KCNK17: variants seen among roughly 807,000 people sequenced by gnomAD.
KCNK17 encodes the protein potassium channel subfamily K member 17.
A neutral mutation model predicts 24.6 loss-of-function variants in KCNK17; 27 were observed. That is an observed-to-expected ratio of 1.10 (90% CI 0.81 to 1.51). The LOEUF (loss-of-function observed/expected upper bound fraction) is 1.51, where lower values mean the gene tolerates loss of function less well. Ranked by LOEUF, KCNK17 falls within the 40% of genes most tolerant of loss-of-function variation. The pLI, the probability that KCNK17 is intolerant of heterozygous loss-of-function variation, is 0.00. For missense variants in KCNK17, 450 were observed against 436.6 expected (o/e 1.03, Z -0.27); for synonymous variants, 181 against 189.8 (o/e 0.95, Z 0.38).
intron 4 of KCNK17, among the ~76,000 whole-genome samples, chr6:39,302,844 C>A (rs1761968681): frequency 6.6e-6 from 1 of 152,082 alleles, no homozygotes; most frequent in Admixed American, 6.5e-5. Flanking sequence ...CAGAAGGGGG[C>A]AGTGTGAGGC....
intron 1 of KCNK17, 42 bp downstream of exon 1, chr6:39,314,042 C>A (rs753996296): frequency 1.8e-5 from 26 of 1,471,694 alleles, no homozygotes; most frequent in Non-Finnish European, 2.2e-5. Flanking sequence ...CGGCCCGCTA[C>A]CCCATCCCGC....
intron 1 of KCNK17, 65 bp from the exon 2 acceptor site, chr6:39,311,072 GCA>G (rs59086835): frequency 0.037 from 18,758 of 513,602 alleles, 230 homozygotes; most frequent in African/African-American, 0.048. Context: ...ACCCCAAGAT[GCA>G]CACACACACA....
intron 4 of KCNK17, among the ~76,000 whole-genome samples, chr6:39,300,746 C>T (rs1761939489): frequency 6.6e-6 from 1 of 152,142 alleles, no homozygotes; most frequent in Non-Finnish European, 1.5e-5. Flanking sequence ...TTTCCCGTTT[C>T]CCCATCTATC....
Position 39,304,123 on chromosome 6 carries a change from G to A in KCNK17, c.522C>T (p.Asp174=). The change falls in exon 4 of 5, where the codon GAC becomes GAT. Residue 174 remains aspartate (D), a synonymous_variant. Transcript: ENST00000373231. ...CAGAGCCCGCCAGCCACCGCGCCTTGTCAGGATCCTGTGGGTGCAACATTG... is the reference window on the plus strand; with the variant it reads ...CAGAGCCCGCCAGCCACCGCGCCTTATCAGGATCCTGTGGGTGCAACATTG... The part of the protein sequence containing the change: ...SRLGGTWQDP[D]KARWLAGSGA... 1.2e-6 allele frequency: 2 copies of A among 1,608,132 alleles called. No individual in the cohort carries two copies. The highest frequency in any genetic ancestry group is 4.5e-5 in the East Asian group (2 of 44,868).
chr6:39,309,328 A>G (rs575930138), intron 2 of KCNK17, among the ~76,000 whole-genome samples: 62 of 152,266 alleles, frequency 4.1e-4, no homozygotes, highest in African/African-American at 1.4e-3. Context: ...CGTCTCAAAA[A>G]AGAAAGAAAG....
chr6:39,304,468 C>A, intron 3 of KCNK17, 27 bp downstream of exon 3: 1 of 1,596,860 alleles, frequency 6.3e-7, no homozygotes. Flanking sequence ...AGTGACCCAT[C>A]CCCACCCCGT....
At chr6:39,306,711 T>C (rs1373508664) in intron 2 of KCNK17, among the ~76,000 whole-genome samples, 3 of 151,636 alleles carry the variant, frequency 2.0e-5, no homozygotes, top group South Asian at 4.2e-4. Context: ...GGATCCCAGC[T>C]CAGCTCCTTG....
At position 39,311,097 on chromosome 6, in the gene KCNK17, CACACACACACACACACACACACAA is replaced by C. The variant is rs1199776346; in HGVS notation, c.238-114_238-91del. 5 of 562,378 alleles carry C rather than the reference CACACACACACACACACACACACAA, an allele frequency of 8.9e-6. No individual in the cohort carries two copies. The African/African-American group carries it at 1.1e-4, about 12-fold the overall frequency. 34.8% of individuals were successfully genotyped at this position (562,378 alleles called of 1,614,324 possible). ...GCACACACACACACACACACACACACACACACACACACACACACACACAAACAAACCTACACACACAGCCCTCAC... is the reference window on the plus strand; with the variant it reads ...GCACACACACACACACACACACACACACAAACCTACACACACAGCCCTCAC... On this transcript the variant is annotated intron_variant, in intron 1 of 4. Coordinates refer to ENST00000373231, the MANE Select transcript of KCNK17 (RefSeq NM_031460.4).
chr6:39,310,797 T>C, intron 2 of KCNK17, 96 bp downstream of exon 2: 1 of 764,420 alleles, frequency 1.3e-6, no homozygotes, highest in African/African-American at 1.8e-5. Flanking sequence ...GTCATGAGAC[T>C]CCAGGTAATC....
At chr6:39,308,513 A>G (rs370746681) in intron 2 of KCNK17, among the ~76,000 whole-genome samples, 6 of 151,992 alleles carry the variant, frequency 3.9e-5, no homozygotes, top group African/African-American at 1.2e-4. Context: ...CTGGTCTCCA[A>G]CTCCTGGCCT....
chr6:39,309,737 G>A (rs745555653), intron 2 of KCNK17, among the ~76,000 whole-genome samples: 2 of 152,206 alleles, frequency 1.3e-5, no homozygotes, highest in Non-Finnish European at 2.9e-5. Flanking sequence ...CTCAATACAT[G>A]CCTGGTGAAT....
chr6:39,310,879 C>CCAA lies in KCNK17; in HGVS notation c.352+13_352+14insTTG. On this transcript the variant is annotated intron_variant, in intron 2 of 4. Transcript: ENST00000373231. ...TCCCCCACCCCCATCCCCCTGGCCCCATCTGGCCCTTACCAATGGTGGTGA... is the reference window on the plus strand; with the variant it reads ...TCCCCCACCCCCATCCCCCTGGCCCCCAAATCTGGCCCTTACCAATGGTGGTGA... 5.5e-5 allele frequency: 85 copies of CCAA among 1,541,346 alleles called. No individual in the cohort carries two copies. Among genetic ancestry groups the CCAA allele is most frequent in the Non-Finnish European group, 7.0e-5 (78 of 1,121,794 alleles).
chr6:39,306,785 T>G (rs544878317), intron 2 of KCNK17, among the ~76,000 whole-genome samples: 1 of 130,430 alleles, frequency 7.7e-6, no homozygotes, highest in African/African-American at 3.3e-5. Context: ...TTTTTTTTTG[T>G]GACAGAGTCT....
intron 1 of KCNK17, among the ~76,000 whole-genome samples, chr6:39,312,839 A>G (rs942128706): frequency 6.6e-6 from 1 of 152,318 alleles, no homozygotes; most frequent in Admixed American, 6.5e-5. Context: ...CTGTATTTGC[A>G]GAAGTCCGCA....
At position 39,304,509 on chromosome 6, in the gene KCNK17, C is replaced by T; in HGVS notation, c.499G>A (p.Gly167Arg). 1 of 1,613,494 alleles carries T rather than the reference C, an allele frequency of 6.2e-7. No homozygotes were observed. The highest frequency in any genetic ancestry group is 8.5e-7 in the Non-Finnish European group (1 of 1,179,410). ...AGCCCCCTCACCTGCCAGGTGCCCCCCAGCCTGCTGGCCCAGTGGTTTACT... is the reference window on the plus strand; with the variant it reads ...AGCCCCCTCACCTGCCAGGTGCCCCTCAGCCTGCTGGCCCAGTGGTTTACT... ...QGVNHWASRL[G>R]GTWQDPDKAR... is the part of the protein sequence containing the mutation. Residue 167 changes from glycine to arginine, a missense_variant, in exon 3 of 5, where the codon GGG (glycine) becomes AGG (arginine). By Grantham distance (125) the Gly-to-Arg change is moderately radical. Transcript: ENST00000373231.
chr6:39,299,334 T>A lies in KCNK17; in HGVS notation c.*93A>T, dbSNP rs1761901773. ...AGCTGCACCCAGCCTCTAGGGTGGATGGAAAATGTAGTCTTTAGTTTGGGT... is the reference window on the plus strand; with the variant it reads ...AGCTGCACCCAGCCTCTAGGGTGGAAGGAAAATGTAGTCTTTAGTTTGGGT... On this transcript the variant is annotated 3_prime_UTR_variant, in exon 5 of 5. Coordinates refer to ENST00000373231, the MANE Select transcript of KCNK17 (RefSeq NM_031460.4). The A allele has an allele frequency of 1.0e-6, 1 of 954,818 alleles. No homozygotes were observed. The highest frequency in any genetic ancestry group is 1.6e-6 in the Non-Finnish European group (1 of 637,160). The allele number at this position is 954,818 out of a possible 1,614,324, so 59.1% of individuals were successfully genotyped here.
At chr6:39,304,901 G>A (rs1762009909) in intron 2 of KCNK17, among the ~76,000 whole-genome samples, 1 of 152,232 alleles carries the variant, frequency 6.6e-6, no homozygotes, top group Admixed American at 6.5e-5. Context: ...ATATTTTACA[G>A]GCTGGAGAAG....
intron 1 of KCNK17, among the ~76,000 whole-genome samples, chr6:39,312,591 T>G (rs1323709685): frequency 6.6e-6 from 1 of 152,116 alleles, no homozygotes; most frequent in Non-Finnish European, 1.5e-5. Flanking sequence ...TACCCACCTG[T>G]GAGGGTGAAA....
intron 4 of KCNK17, among the ~76,000 whole-genome samples, chr6:39,303,109 T>G (rs1030996935): frequency 1.3e-5 from 2 of 152,196 alleles, no homozygotes; most frequent in Non-Finnish European, 2.9e-5. Context: ...GGGTGACAAT[T>G]GTTGCTGTAG....
Sources: allele counts gnomAD v4.1 joint callset (sites outside exome capture counted in the v4.1 genomes callset), GRCh38; gene constraint gnomAD v4.1.1; transcripts MANE v1.5; gene names NCBI Gene and HGNC (gene_info 2026-07-23, HGNC 2026-07-21).